Variants in LMBR1 observed in about 807,000 individuals in gnomAD.
LMBR1 encodes limb region 1 protein homolog.
A neutral mutation model predicts 73.9 loss-of-function variants in LMBR1; 52 were observed. That is an observed-to-expected ratio of 0.70 (90% CI 0.56 to 0.89). LMBR1 has a LOEUF of 0.89. LMBR1 is among the 40% of genes least tolerant of loss of function. LMBR1 has a pLI of 0.00. For missense variants in LMBR1, 539 were observed against 579.8 expected (o/e 0.93, Z 0.72); for synonymous variants, 215 against 209.4 (o/e 1.03, Z -0.23).
chr7:156,695,509 C>A (rs1305771223), intron 15 of LMBR1, among the ~76,000 whole-genome samples: 21 of 152,126 alleles, frequency 1.4e-4, no homozygotes, highest in Admixed American at 1.4e-3. Flanking sequence ...GAAACAGGCA[C>A]ATCTTACATG....
At position 156,884,703 on chromosome 7, in the gene LMBR1, C is replaced by T. The variant is rs1801610573; in HGVS notation, c.66+8225G>A. ...GAACTCACTGAAATATGCAATAAGC[C>T]CAATTTGTCCAACTACAGGTGTGCT... On this transcript the variant is annotated intron_variant, in intron 1 of 16. Coordinates refer to ENST00000353442, the MANE Select transcript of LMBR1 (RefSeq NM_022458.4). Among the ~76,000 whole-genome samples the T allele has an allele frequency of 2.0e-5, 3 of 152,130 alleles. No individual in the cohort carries two copies. In the South Asian group the frequency reaches 6.2e-4, roughly 32 times the overall value.
intron 15 of LMBR1, among the ~76,000 whole-genome samples, chr7:156,709,085 T>TAAAA (rs1369271103): frequency 3.9e-5 from 6 of 152,158 alleles, no homozygotes; most frequent in African/African-American, 1.4e-4. Flanking sequence ...CTACCTACCC[T>TAAAA]GGCAGCTGAA....
At position 156,826,592 on chromosome 7, in the gene LMBR1, A is replaced by AAT. The variant is rs1473524585; in HGVS notation, c.319+11_319+12dup. On this transcript the variant is annotated intron_variant, in intron 4 of 16. Coordinates refer to ENST00000353442, the MANE Select transcript of LMBR1 (RefSeq NM_022458.4). The stretch of plus-strand genomic sequence containing the variant: ...AATATTAATTGTGATTATATTAAGC[A>AAT]ATATATACTAACCATGAATCAGGGA... 6.9e-7 allele frequency: 1 copy of AAT among 1,456,070 alleles called. No individual in the cohort carries two copies. Among genetic ancestry groups the AAT allele is most frequent in the East Asian group, 2.5e-5 (1 of 40,512 alleles). 90.2% of individuals were successfully genotyped at this position (1,456,070 alleles called of 1,614,324 possible). A position where few individuals can be genotyped will look rare whatever the true frequency, so the allele number is the denominator to read the frequency against.
Position 156,733,009 on chromosome 7 carries a change from G to A in LMBR1, c.838+1168C>T, listed in dbSNP as rs1476256871. ...AAACACAAAAAATTAGCAAGCTGTG[G>A]TGGCATGCACCTGTGGTCCCAGCTA... On this transcript the variant is annotated intron_variant, in intron 10 of 16. Transcript: ENST00000353442. Among the ~76,000 whole-genome samples the A allele has an allele frequency of 2.0e-5, 3 of 152,156 alleles. No homozygotes were observed. In the East Asian group the frequency reaches 5.8e-4, roughly 29 times the overall value.
At position 156,806,157 on chromosome 7, in the gene LMBR1, CTTTAA is replaced by C. The variant is rs1459966776; in HGVS notation, c.320-9670_320-9666del. On this transcript the variant is annotated intron_variant, in intron 4 of 16. Transcript: ENST00000353442. The stretch of plus-strand genomic sequence containing the variant: ...ATCTGTCTCCACTTATTGTGGTACT[CTTTAA>C]TTTCTCTCAACAATGTCTTAGTTTA... 4.2e-5 allele frequency among the ~76,000 whole-genome samples: 6 copies of C among 144,532 alleles called. No homozygotes were observed. The South Asian group carries it at 6.6e-4, about 16-fold the overall frequency. The allele number at this position is 144,532 out of a possible 152,430, so 94.8% of individuals were successfully genotyped here.
At chr7:156,806,640 CA>C (rs1178283348) in intron 4 of LMBR1, among the ~76,000 whole-genome samples, 2 of 115,364 alleles carry the variant, frequency 1.7e-5, no homozygotes, top group African/African-American at 6.6e-5. Flanking sequence ...GACGGAGTCT[CA>C]CTCTGTCGCC....
chr7:156,809,737 G>C (rs1231325884), intron 4 of LMBR1, among the ~76,000 whole-genome samples: 1 of 152,132 alleles, frequency 6.6e-6, no homozygotes, highest in African/African-American at 2.4e-5. Context: ...TTTCCCACCA[G>C]AAACATGCTG....
intron 15 of LMBR1, among the ~76,000 whole-genome samples, chr7:156,720,012 A>C (rs1160061689): frequency 1.3e-5 from 2 of 151,638 alleles, no homozygotes; most frequent in Non-Finnish European, 1.5e-5. Context: ...CTAGAAGAAA[A>C]CCTAGGCATT....
intron 5 of LMBR1, among the ~76,000 whole-genome samples, chr7:156,787,317 T>C (rs183472635): frequency 1.0e-3 from 157 of 152,334 alleles, no homozygotes; most frequent in African/African-American, 3.6e-3. Context: ...TTGTTCCTGT[T>C]TGTTGTTCTT....
chr7:156,849,061 A>G (rs1359945554), intron 1 of LMBR1, among the ~76,000 whole-genome samples: 1 of 152,170 alleles, frequency 6.6e-6, no homozygotes, highest in Non-Finnish European at 1.5e-5. Context: ...CATGCATTAT[A>G]TTCTTCAGAG....
intron 1 of LMBR1, among the ~76,000 whole-genome samples, chr7:156,847,138 G>A (rs933916078): frequency 2.6e-5 from 4 of 152,016 alleles, no homozygotes; most frequent in African/African-American, 4.8e-5. Context: ...ACATAAATAC[G>A]ATCAACTGAT....
At chr7:156,847,509 A>G (rs991197658) in intron 1 of LMBR1, among the ~76,000 whole-genome samples, 2 of 152,204 alleles carry the variant, frequency 1.3e-5, no homozygotes, top group Non-Finnish European at 2.9e-5. Flanking sequence ...AGAGAATCAC[A>G]GGCTGGGAGA....
intron 9 of LMBR1, among the ~76,000 whole-genome samples, chr7:156,746,325 A>T (rs1819852885): frequency 6.6e-6 from 1 of 152,182 alleles, no homozygotes. Flanking sequence ...TAGAAAAAAT[A>T]AGCTCATGAG....
In LMBR1 at chr7:156,680,515, T is replaced by C. The variant is rs1444108435; in HGVS notation, c.*3563A>G. On this transcript the variant is annotated 3_prime_UTR_variant, in exon 17 of 17. Coordinates refer to ENST00000353442, the MANE Select transcript of LMBR1 (RefSeq NM_022458.4). Reference sequence around the variant, plus strand: ...GTAAATTAACCAGATGCTAACAGCATTTATTCTTCCAGGAACTCTGGGTTA... The same window carrying C: ...GTAAATTAACCAGATGCTAACAGCACTTATTCTTCCAGGAACTCTGGGTTA... The C allele has an allele frequency of 6.6e-6, 1 of 152,208 alleles. No homozygotes were observed. Among genetic ancestry groups the C allele is most frequent in the Admixed American group, 6.5e-5 (1 of 15,278 alleles). 9.4% of individuals were successfully genotyped at this position (152,208 alleles called of 1,614,324 possible).
chr7:156,869,119 C>T (rs1798900118), intron 1 of LMBR1, among the ~76,000 whole-genome samples: 1 of 152,194 alleles, frequency 6.6e-6, no homozygotes, highest in South Asian at 2.1e-4. Flanking sequence ...TAAAACATTT[C>T]TAAGGGCTTT....
At chr7:156,696,336 A>G (rs1245785423) in intron 15 of LMBR1, among the ~76,000 whole-genome samples, 2 of 152,254 alleles carry the variant, frequency 1.3e-5, no homozygotes, top group Non-Finnish European at 2.9e-5. Context: ...TTAACCAAGA[A>G]TATGTAAACA....
At position 156,709,896 on chromosome 7, in the gene LMBR1, A is replaced by ATTTTTTTTTTTTTTTTTTTTT. The variant is rs34487923; in HGVS notation, c.1225+14195_1225+14215dup. Among the ~76,000 whole-genome samples, 5 of 90,356 alleles carry ATTTTTTTTTTTTTTTTTTTTT rather than the reference A, an allele frequency of 5.5e-5. 1 individual carries two copies. The highest frequency in any genetic ancestry group is 1.9e-4 in the African/African-American group (4 of 20,910). 59.3% of individuals were successfully genotyped at this position (90,356 alleles called of 152,430 possible). A position where few individuals can be genotyped will look rare whatever the true frequency, so the allele number is the denominator to read the frequency against. On this transcript the variant is annotated intron_variant, in intron 15 of 16. Transcript: ENST00000353442. Reference sequence around the variant, plus strand: ...GCCAGTTAAAGAATTCAGAAGGTTGATTTTTTTTTTTTTTTTTTTTTTTTT... The same window carrying ATTTTTTTTTTTTTTTTTTTTT: ...GCCAGTTAAAGAATTCAGAAGGTTGATTTTTTTTTTTTTTTTTTTTTTTTTTTTTTTTTTTTTTTTTTTTTT...
chr7:156,706,702 T>C (rs865964231), intron 15 of LMBR1, among the ~76,000 whole-genome samples: 3 of 151,676 alleles, frequency 2.0e-5, no homozygotes, highest in South Asian at 2.1e-4. Context: ...AAACACAACA[T>C]ACTGAAACTT....
chr7:156,871,216 A>AAT (rs1799240729), intron 1 of LMBR1, among the ~76,000 whole-genome samples: 2 of 152,322 alleles, frequency 1.3e-5, no homozygotes, highest in African/African-American at 4.8e-5. Context: ...CTAGAAACAT[A>AAT]ACACCCTACC....
Sources: gnomAD v4.1 joint callset for allele counts (sites outside exome capture counted in the v4.1 genomes callset) on GRCh38, gnomAD v4.1.1 for gene constraint, MANE v1.5 for transcripts, NCBI Gene and HGNC (gene_info 2026-07-23, HGNC 2026-07-21) for gene names.